YBEY: variants seen among roughly 807,000 people sequenced by gnomAD.
YBEY encodes endoribonuclease YbeY.
A neutral mutation model predicts 13.5 loss-of-function variants in YBEY; 15 were observed. The ratio of observed to expected loss-of-function variants is 1.11; its 90% CI spans 0.75 to 1.72. The LOEUF is 1.72. YBEY is among the 40% of genes most tolerant of loss of function. The probability of loss-of-function intolerance (pLI) is 0.00; values close to 1 mark genes in which losing one functional copy is unlikely to be tolerated. For missense variants in YBEY, 244 were observed against 208.4 expected, an observed-to-expected ratio of 1.17 and a Z score of -1.05; for synonymous variants, 101 against 83.1, an observed-to-expected ratio of 1.21 and a Z score of -1.17.
Position 46,294,629 on chromosome 21 carries a change from C to A in YBEY, c.340-1533C>A, listed in dbSNP as rs1409129057. Reference sequence around the variant, plus strand: ...CCGGGACTCAGTGGGGACAGCCACGCAAGTTAGACTCTAGATTAAATTCCT... The same window carrying A: ...CCGGGACTCAGTGGGGACAGCCACGAAAGTTAGACTCTAGATTAAATTCCT... On this transcript the variant is annotated intron_variant, in intron 3 of 4. Transcript: ENST00000397701. 6.0e-4 allele frequency among the ~76,000 whole-genome samples: 66 copies of A among 110,456 alleles called. 1 individual carries two copies. In the Middle Eastern group the frequency reaches 0.014, roughly 24 times the overall value. 72.5% of individuals were successfully genotyped at this position (110,456 alleles called of 152,430 possible). A position where few individuals can be genotyped will look rare whatever the true frequency, so the allele number is the denominator to read the frequency against.
At chr21:46,305,236 A>G in the YBEY span, among the ~76,000 whole-genome samples, 1 of 151,264 alleles carries the variant, frequency 6.6e-6, no homozygotes, top group Non-Finnish European at 1.5e-5. Context: ...GCGGCACAGC[A>G]GTGACTACAG....
At chr21:46,303,732 TATATATATATATA>T in the YBEY span, among the ~76,000 whole-genome samples, 3,482 of 31,650 alleles carry the variant, frequency 0.11, 240 homozygotes, top group Non-Finnish European at 0.16. Context: ...TATATATATA[TATATATATATATA>T]TTTTTTTTTT....
chr21:46,287,113 C>T lies in YBEY; in HGVS notation c.200C>T (p.Pro67Leu). ...GTCCCAACCGATGTGCTTTCTTTTC[C>T]ATTTCATGAGGTAAAAAAAAAATGT... ...RNVPTDVLSF[P>L]FHEHLKAGEF... is the part of the protein sequence containing the mutation. The change falls in exon 2 of 5, where the codon CCA becomes CTA. Residue 67 changes from proline (P) to leucine (L), a missense_variant. Pro to Leu is a moderately conservative substitution (Grantham distance 98). Transcript: ENST00000397701. 2.5e-6 allele frequency: 4 copies of T among 1,580,210 alleles called. No homozygotes were observed. The highest frequency in any genetic ancestry group is 3.4e-6 in the Non-Finnish European group (4 of 1,162,790).
the YBEY span, among the ~76,000 whole-genome samples, chr21:46,307,757 C>T: frequency 6.6e-6 from 1 of 152,274 alleles, no homozygotes; most frequent in South Asian, 2.1e-4. Flanking sequence ...GATTTGAGGA[C>T]AGCTGTCAGG....
At chr21:46,302,026 G>A, downstream of YBEY, 1 of 1,535,936 alleles carries the variant, frequency 6.5e-7, no homozygotes, top group Non-Finnish European at 8.8e-7. Flanking sequence ...TCCACAGGCT[G>A]GGGGCGGGCT....
intron 2 of YBEY, among the ~76,000 whole-genome samples, chr21:46,288,112 A>G (rs1326870352): frequency 1.3e-5 from 2 of 152,162 alleles, no homozygotes; most frequent in Non-Finnish European, 2.9e-5. Flanking sequence ...TGCTTCTGCA[A>G]TATTTTTGCA....
At chr21:46,308,402 G>A in the YBEY span, among the ~76,000 whole-genome samples, 4 of 151,910 alleles carry the variant, frequency 2.6e-5, no homozygotes, top group East Asian at 2.0e-4. Flanking sequence ...CAGAGGCCGC[G>A]GTGAGCCGGG....
chr21:46,306,005 TG>T, the YBEY span, among the ~76,000 whole-genome samples: 1 of 139,892 alleles, frequency 7.1e-6, no homozygotes, highest in Non-Finnish European at 1.5e-5. Context: ...GAGGCTGAGG[TG>T]GGAGGATCGC....
rs200581418 is a variant in YBEY, at chr21:46,294,758, CAAAA to C, written c.340-1389_340-1386del. Among the ~76,000 whole-genome samples the C allele has an allele frequency of 3.4e-4, 33 of 97,166 alleles. 2 individuals carry two copies. Among genetic ancestry groups the C allele is most frequent in the African/African-American group, 8.4e-4 (24 of 28,730 alleles). 63.7% of individuals were successfully genotyped at this position (97,166 alleles called of 152,430 possible). On this transcript the variant is annotated intron_variant, in intron 3 of 4. Coordinates refer to ENST00000397701, the MANE Select transcript of YBEY (RefSeq NM_001314025.2). ...ACAGGTGGTTTCAGCAGCTTGATGC[CAAAA>C]AAAAAAAAAAAAAAGGAAAAGCATT... is the stretch of plus-strand genomic sequence containing the variant.
At chr21:46,305,155 C>T in the YBEY span, among the ~76,000 whole-genome samples, 1 of 152,116 alleles carries the variant, frequency 6.6e-6, no homozygotes, top group Non-Finnish European at 1.5e-5. Context: ...AAGGTGGTTG[C>T]CAGGCACTGA....
chr21:46,295,810 C>T (rs981746059), intron 3 of YBEY, among the ~76,000 whole-genome samples: 2 of 152,100 alleles, frequency 1.3e-5, no homozygotes, highest in African/African-American at 4.8e-5. Context: ...GCCGGTGCCC[C>T]ACTGCCCCAC....
At chr21:46,302,473 G>A (rs577256319), downstream of YBEY, 15 of 1,592,992 alleles carry the variant, frequency 9.4e-6, no homozygotes, top group South Asian at 1.3e-4. Flanking sequence ...TTCTGCTGGG[G>A]GCTAAGCCTA....
the YBEY span, among the ~76,000 whole-genome samples, chr21:46,303,709 AT>A: frequency 3.0e-5 from 1 of 33,678 alleles, no homozygotes; most frequent in Non-Finnish European, 5.2e-5. Context: ...CACACACAAA[AT>A]ATATATATAT....
chr21:46,290,448 C>T (rs1302414787), intron 2 of YBEY, among the ~76,000 whole-genome samples: 1 of 151,940 alleles, frequency 6.6e-6, no homozygotes. Context: ...TCTTGATCTG[C>T]CCGCCTCGGC....
At chr21:46,295,071 T>C (rs540733117) in intron 3 of YBEY, among the ~76,000 whole-genome samples, 7 of 152,310 alleles carry the variant, frequency 4.6e-5, no homozygotes, top group African/African-American at 1.4e-4. Context: ...CCCTGGGATC[T>C]CTGTGGCCAG....
chr21:46,297,074 G>A lies in YBEY; in HGVS notation c.409-465G>A, dbSNP rs536879278. Among the ~76,000 whole-genome samples the A allele has an allele frequency of 4.6e-5, 7 of 152,248 alleles. No homozygotes were observed. The South Asian group carries it at 1.5e-3, about 32-fold the overall frequency. Reference sequence around the variant, plus strand: ...AGCACTTTGGGAGGCCGAGGAGGGTGGATCACTTGAGGTCAGGAGTTCAAG... The same window carrying A: ...AGCACTTTGGGAGGCCGAGGAGGGTAGATCACTTGAGGTCAGGAGTTCAAG... On this transcript the variant is annotated intron_variant, in intron 4 of 4. Coordinates refer to ENST00000397701, the MANE Select transcript of YBEY (RefSeq NM_001314025.2).
chr21:46,287,140 C>A lies in YBEY; in HGVS notation c.210+17C>A, dbSNP rs13049893. ...TTTCATGAGGTAAAAAAAAAATGTT[C>A]CTCTTCTTGTCTAGCCCATCTTCCC... On this transcript the variant is annotated intron_variant, in intron 2 of 4. Transcript: ENST00000397701. The A allele has an allele frequency of 7.0e-7, 1 of 1,423,848 alleles. No individual in the cohort carries two copies. The highest frequency in any genetic ancestry group is 1.2e-5 in the South Asian group (1 of 83,904). 88.2% of individuals were successfully genotyped at this position (1,423,848 alleles called of 1,614,324 possible).
At chr21:46,301,758 G>A (rs1206523435), downstream of YBEY, 1 of 1,223,480 alleles carries the variant, frequency 8.2e-7, no homozygotes, top group South Asian at 4.1e-5. Context: ...TGCCCTGGTG[G>A]GGTTCACAGG....
downstream of YBEY, among the ~76,000 whole-genome samples, chr21:46,298,766 C>T (rs2082035716): frequency 6.6e-6 from 1 of 150,664 alleles, no homozygotes; most frequent in Admixed American, 6.7e-5. Flanking sequence ...GCTCTGTTGC[C>T]CAGGCTGGAG....
Sources: gnomAD v4.1 joint callset for allele counts (sites outside exome capture counted in the v4.1 genomes callset) on GRCh38, gnomAD v4.1.1 for gene constraint, MANE v1.5 for transcripts, NCBI Gene and HGNC (gene_info 2026-07-23, HGNC 2026-07-21) for gene names.